Variants in BTD observed in about 807,000 individuals in gnomAD.
The protein encoded by BTD is biotinidase, also known as biocytinase.
BTD carries 13 observed loss-of-function variants against 17.7 expected under a neutral mutation model. The ratio of observed to expected loss-of-function variants is 0.74; its 90% confidence interval spans 0.48 to 1.17. The LOEUF (loss-of-function observed/expected upper bound fraction) is 1.17. BTD is among the 50% of genes most tolerant of loss of function. The pLI, the probability that BTD is intolerant of heterozygous loss-of-function variation, is 0.00. For missense variants in BTD, 674 were observed against 650.4 expected, an observed-to-expected ratio of 1.04 and a Z score of -0.39; for synonymous variants, 240 against 245.2, an observed-to-expected ratio of 0.98 and a Z score of 0.20.
intron 1 of BTD, among the ~76,000 whole-genome samples, chr3:15,613,467 TC>T (rs2064695041): frequency 6.6e-6 from 1 of 152,126 alleles, no homozygotes; most frequent in Non-Finnish European, 1.5e-5. Context: ...ATTTCATCTG[TC>T]TCCCAGCTTT....
In BTD at chr3:15,611,837, T is replaced by G. The variant is rs763916319; in HGVS notation, c.-17+9943T>G. Among the ~76,000 whole-genome samples, 169 of 152,148 alleles carry G rather than the reference T, an allele frequency of 1.1e-3. 1 individual carries two copies. The highest frequency in any genetic ancestry group is 1.5e-3 in the Non-Finnish European group (104 of 68,008). On this transcript the variant is annotated intron_variant, in intron 1 of 3. Coordinates refer to ENST00000643237, the MANE Select transcript of BTD (RefSeq NM_001370658.1). ...TTCTAGGAAACTACTCGTCTAAATT[T>G]TCTAGCTTATCAATATAGGATTGAA...
At position 15,647,873 on chromosome 3, in the gene BTD, G is replaced by GA. The variant is rs2065730048; in HGVS notation, c.*2385_*2386insA. 6.6e-6 allele frequency among the ~76,000 whole-genome samples: 1 copy of GA among 152,136 alleles called. No homozygotes were observed. Among genetic ancestry groups the GA allele is most frequent in the South Asian group, 2.1e-4 (1 of 4,828 alleles). On this transcript the variant is annotated 3_prime_UTR_variant, in exon 4 of 4. Coordinates refer to ENST00000643237, the MANE Select transcript of BTD (RefSeq NM_001370658.1). ...AGGCACAGTGAGCTGTATTCACACT[G>GA]GATTTAAAAGCCCTGTTCTTAGAGA...
At chr3:15,712,308 G>A (rs1575322523) in exon 4 of BTD, 11 of 1,131,604 alleles carry the variant, frequency 9.7e-6, no homozygotes, top group Non-Finnish European at 1.4e-5. Flanking sequence ...GACCACTTAA[G>A]TGAAAGATAA....
downstream of BTD, chr3:15,714,640 G>A: frequency 6.3e-7 from 1 of 1,594,592 alleles, no homozygotes; most frequent in East Asian, 2.3e-5. Context: ...GTGTAGTGGG[G>A]TTTTCCCATC....
In BTD at chr3:15,650,770, A is replaced by G. The variant is rs2065788594; in HGVS notation, c.*5282A>G. 6.6e-6 allele frequency among the ~76,000 whole-genome samples: 1 copy of G among 152,014 alleles called. No homozygotes were observed. Among genetic ancestry groups the G allele is most frequent in the South Asian group, 2.1e-4 (1 of 4,818 alleles). On this transcript the variant is annotated 3_prime_UTR_variant, in exon 4 of 4. Transcript: ENST00000643237. ...ATCAATGATCGGCCAGAGAGCTGTG[A>G]TATTCTTTTGTTTTTTTGAGATGGA...
At chr3:15,693,223 T>C (rs1011543551) in intron 3 of BTD, among the ~76,000 whole-genome samples, 24 of 152,146 alleles carry the variant, frequency 1.6e-4, no homozygotes, top group Non-Finnish European at 3.1e-4. Context: ...ACTGTACAAT[T>C]AGAAATGGTT....
chr3:15,676,622 C>T (rs562942044), intron 3 of BTD: 1 of 194,612 alleles, frequency 5.1e-6, no homozygotes, highest in Middle Eastern at 2.3e-3. Context: ...TACAGACACA[C>T]ATAAAGCTTC....
At position 15,645,445 on chromosome 3, in the gene BTD, T is replaced by A. The variant is rs755870947; in HGVS notation, c.1529T>A (p.Leu510Gln). 1 of 1,612,688 alleles carries A rather than the reference T, an allele frequency of 6.2e-7. No homozygotes were observed. The change falls in exon 4 of 4, where the codon CTG (leucine) becomes CAG (glutamine). Residue 510 changes from leucine to glutamine, a missense_variant. Leu to Gln is a moderately radical substitution (Grantham distance 113, BLOSUM62 -2). Coordinates refer to ENST00000643237, the MANE Select transcript of BTD (RefSeq NM_001370658.1). ...AGGAAAAGTAGGCTGTCCTCTGGGC[T>A]GGTGACGGCGGCTCTCTATGGGCGC... ...FLRKSRLSSG[L>Q]VTAALYGRLY... is the part of the protein sequence containing the mutation.
chr3:15,660,935 A>G (rs1427800701), intron 3 of BTD, among the ~76,000 whole-genome samples: 4 of 152,260 alleles, frequency 2.6e-5, no homozygotes, highest in Admixed American at 2.6e-4. Context: ...TGTCTTCCGA[A>G]GTGGCTGAGC....
chr3:15,713,184 G>C (rs565579577), downstream of BTD, among the ~76,000 whole-genome samples: 19 of 151,968 alleles, frequency 1.3e-4, no homozygotes, highest in African/African-American at 4.6e-4. Context: ...GATAGTATTT[G>C]GATTAAAAAA....
chr3:15,675,870 A>G (rs779448171), intron 3 of BTD: 1 of 1,544,896 alleles, frequency 6.5e-7, no homozygotes, highest in South Asian at 1.2e-5. Context: ...GCTCTAGGTT[A>G]AGGGAAGAGA....
chr3:15,710,341 T>C (rs528340600), exon 4 of BTD, among the ~76,000 whole-genome samples: 12 of 152,212 alleles, frequency 7.9e-5, no homozygotes, highest in Non-Finnish European at 1.6e-4. Flanking sequence ...TATGTTACAA[T>C]GAAAACTGTA....
chr3:15,686,550 T>G, intron 3 of BTD: 2 of 510,740 alleles, frequency 3.9e-6, no homozygotes, highest in Non-Finnish European at 7.0e-6. Context: ...ACCCATGCCC[T>G]ATCATCTGCC....
intron 1 of BTD, among the ~76,000 whole-genome samples, chr3:15,631,086 A>G (rs2065192669): frequency 6.6e-6 from 1 of 152,264 alleles, no homozygotes; most frequent in Admixed American, 6.5e-5. Context: ...AATTTAGACA[A>G]TGAAGTCACG....
chr3:15,619,422 T>C (rs1038962192), intron 1 of BTD, among the ~76,000 whole-genome samples: 5 of 152,210 alleles, frequency 3.3e-5, no homozygotes, highest in Admixed American at 1.3e-4. Context: ...CTAGGCCATG[T>C]GATCTTTCTT....
Position 15,644,959 on chromosome 3 carries a change from A to T in BTD, c.1043A>T (p.Asp348Val). 6.2e-7 allele frequency: 1 copy of T among 1,614,168 alleles called. No homozygotes were observed. The highest frequency in any genetic ancestry group is 8.5e-7 in the Non-Finnish European group (1 of 1,180,026). ...AAGTTTTTAAAAATTTTGTCAGGCG[A>T]TCCGTACTGTGAGAAGGATGCTCAG... ...HSKFLKILSG[D>V]PYCEKDAQEV... The change falls in exon 4 of 4, where the codon GAT becomes GTT. Residue 348 changes from aspartate (D) to valine (V), a missense_variant. Asp to Val is a radical substitution (Grantham distance 152). Coordinates refer to ENST00000643237, the MANE Select transcript of BTD (RefSeq NM_001370658.1).
At position 15,679,762 on chromosome 3, in the gene BTD, C is replaced by T. The variant is rs944209472; in HGVS notation, c.400-30298C>T. Among the ~76,000 whole-genome samples, 4 of 152,186 alleles carry T rather than the reference C, an allele frequency of 2.6e-5. 1 individual carries two copies. Among genetic ancestry groups the T allele is most frequent in the Admixed American group, 1.3e-4 (2 of 15,282 alleles). On this transcript the variant is annotated intron_variant, in intron 3 of 3. Coordinates refer to the BTD transcript ENST00000672141. ...AAATTTCTAGGCATATACAACTGCA[C>T]GCACAAAATACATACAGTTGGCTCT... is the stretch of plus-strand genomic sequence containing the variant.
chr3:15,703,681 C>A (rs929238432), intron 3 of BTD, among the ~76,000 whole-genome samples: 3 of 152,074 alleles, frequency 2.0e-5, no homozygotes, highest in South Asian at 2.1e-4. Flanking sequence ...TTATACCAGT[C>A]CAAACAGACT....
downstream of BTD, chr3:15,713,646 A>G: frequency 6.3e-7 from 1 of 1,582,324 alleles, no homozygotes; most frequent in Non-Finnish European, 8.6e-7. Context: ...CAGCTCCTGC[A>G]ATATAGGACT....
Sources: allele counts gnomAD v4.1 joint callset (sites outside exome capture counted in the v4.1 genomes callset), GRCh38; gene constraint gnomAD v4.1.1; transcripts MANE v1.5; gene names NCBI Gene and HGNC (gene_info 2026-07-23, HGNC 2026-07-21).